The following SLC5A5 variants were observed in gnomAD, a reference collection of about 807,000 sequenced individuals.
SLC5A5 encodes the protein sodium/iodide cotransporter.
Under a neutral mutation model 68.6 loss-of-function variants are expected in SLC5A5, and 56 were observed. The ratio of observed to expected loss-of-function variants is 0.82; its 90% CI spans 0.66 to 1.02. The LOEUF (loss-of-function observed/expected upper bound fraction) is 1.02. Ranked by LOEUF, SLC5A5 falls within the 50% of genes least tolerant of loss-of-function variation. The pLI is 0.00. For synonymous variants in SLC5A5, 398 were observed against 373.0 expected (o/e 1.07, Z -0.77); for missense variants, 807 against 859.8 (o/e 0.94, Z 0.77).
At chr19:17,874,031 G>T in intron 1 of SLC5A5, 107 bp from the exon 2 acceptor site, 4 of 778,182 alleles carry the variant, frequency 5.1e-6, no homozygotes, top group Non-Finnish European at 6.8e-6. Flanking sequence ...TGGCGGGCGC[G>T]GTTGGCTTCC....
Position 17,894,845 on chromosome 19 carries a change from G to C in SLC5A5, c.*968G>C, listed in dbSNP as rs2030349632. The stretch of plus-strand genomic sequence containing the variant: ...AGAACATGAGCTTACTTGGAAATAG[G>C]GTCTTTGCAGGTGTAACTGGTTAAA... On this transcript the variant is annotated 3_prime_UTR_variant, in exon 15 of 15. Transcript: ENST00000222248. The C allele has an allele frequency of 6.6e-6, 1 of 152,164 alleles. No homozygotes were observed. 9.4% of individuals were successfully genotyped at this position (152,164 alleles called of 1,614,324 possible). A position where few individuals can be genotyped will look rare whatever the true frequency, so the allele number is the denominator to read the frequency against.
intron 13 of SLC5A5, among the ~76,000 whole-genome samples, chr19:17,889,413 A>AAGGAAG (rs2030065089): frequency 5.1e-5 from 7 of 137,608 alleles, no homozygotes; most frequent in African/African-American, 2.2e-4. Context: ...AAAGAAAGAA[A>AAGGAAG]GAAGGAAGGA....
Position 17,883,868 on chromosome 19 carries a change from G to A in SLC5A5, c.1348G>A (p.Gly450Ser), listed in dbSNP as rs373283497. Reference protein sequence around the residue: ...CNTPGVLAGLGAGLALSLWVA... With the variant: ...CNTPGVLAGLSAGLALSLWVA... ...CCCCCAGGGCGTCCTCGCGGGACTA[G>A]GCGCGGGCTTGGCGCTGTCGCTGTG... The change falls in exon 12 of 15, where the codon GGC becomes AGC. Residue 450 changes from glycine (G) to serine (S), a missense_variant. Physicochemically the swap from Gly to Ser is moderately conservative, Grantham distance 56 (BLOSUM62 0). Coordinates refer to ENST00000222248, the MANE Select transcript of SLC5A5 (RefSeq NM_000453.3). 2 of 1,588,600 alleles carry A rather than the reference G, an allele frequency of 1.3e-6. No homozygotes were observed. The highest frequency in any genetic ancestry group is 1.7e-6 in the Non-Finnish European group (2 of 1,168,760).
At chr19:17,890,764 G>A (rs2030133830) in intron 13 of SLC5A5, 122 bp from the exon 14 acceptor site, 1 of 766,480 alleles carries the variant, frequency 1.3e-6, no homozygotes, top group East Asian at 2.5e-5. Flanking sequence ...CCCTTAGTGG[G>A]ACTGGAGCCT....
In SLC5A5 at chr19:17,874,162, G is replaced by A. The variant is rs1455835176; in HGVS notation, c.382G>A (p.Ala128Thr). Reference protein sequence around the residue: ...YEYLEMRFSRAVRLCGTLQYI... With the variant: ...YEYLEMRFSRTVRLCGTLQYI... ...GTACCTGGAGATGCGCTTCAGCCGCGCAGTGCGGCTCTGCGGGACTTTGCA... is the reference window on the plus strand; with the variant it reads ...GTACCTGGAGATGCGCTTCAGCCGCACAGTGCGGCTCTGCGGGACTTTGCA... The change falls in exon 2 of 15, where the codon GCA (alanine) becomes ACA (threonine). Residue 128 changes from alanine to threonine, a missense_variant. Ala to Thr is a moderately conservative substitution (Grantham distance 58, BLOSUM62 0). Coordinates refer to ENST00000222248, the MANE Select transcript of SLC5A5 (RefSeq NM_000453.3). The A allele has an allele frequency of 6.2e-7, 1 of 1,612,382 alleles. No individual in the cohort carries two copies. Among genetic ancestry groups the A allele is most frequent in the South Asian group, 1.1e-5 (1 of 91,050 alleles).
rs750515655 is a variant in SLC5A5 at position 17,872,433 on chromosome 19, G to C, written c.114G>C (p.Arg38=). Residue 38 remains arginine (R), a synonymous_variant, in exon 1 of 15, where the codon CGG becomes CGC. Coordinates refer to ENST00000222248, the MANE Select transcript of SLC5A5 (RefSeq NM_000453.3). The part of the protein sequence containing the change: ...TGIGLWVGLA[R]GGQRSAEDFF... ...TCGGGCTGTGGGTCGGGCTGGCTCG[G>C]GGCGGGCAGCGCAGCGCTGAGGACT... 5 of 1,608,886 alleles carry C rather than the reference G, an allele frequency of 3.1e-6. No homozygotes were observed. The South Asian group carries it at 3.3e-5, about 11-fold the overall frequency.
At chr19:17,886,759 A>C (rs1292899210) in intron 12 of SLC5A5, among the ~76,000 whole-genome samples, 2 of 152,296 alleles carry the variant, frequency 1.3e-5, no homozygotes, top group Middle Eastern at 6.8e-3. Context: ...GTGATACCTC[A>C]CTGTGGTTTT....
rs1599915421 is a variant in SLC5A5 at position 17,877,717 on chromosome 19, A to T, written c.699-6A>T. 3.7e-6 allele frequency: 6 copies of T among 1,613,822 alleles called. No individual in the cohort carries two copies. The highest frequency in any genetic ancestry group is 2.2e-5 in the South Asian group (2 of 91,078). On this transcript the variant is annotated splice_region_variant and splice_polypyrimidine_tract_variant and intron_variant, in intron 5 of 14. Coordinates refer to ENST00000222248, the MANE Select transcript of SLC5A5 (RefSeq NM_000453.3). ...CACGTGGCTAACTTGCCCTGTCCCC[A>T]CCCAGCTTTAACCCTGACCCGAGGA...
rs376252860 is a variant in SLC5A5, at chr19:17,880,912, C to T, written c.1017C>T (p.Val339=). The T allele has an allele frequency of 2.1e-5, 34 of 1,613,754 alleles. No homozygotes were observed. Among genetic ancestry groups the T allele is most frequent in the African/African-American group, 2.7e-5 (2 of 74,906 alleles). ...VLDIFEDLPG[V]PGLFLACAYS... The stretch of plus-strand genomic sequence containing the variant: ...ACATCTTCGAAGATCTGCCTGGAGT[C>T]CCCGGGCTTTTCCTGGCCTGTGCTT... The change falls in exon 8 of 15, where the codon GTC becomes GTT. Residue 339 remains valine (V), a synonymous_variant. Transcript: ENST00000222248.
rs1375117901 is a variant in SLC5A5 at position 17,882,177 on chromosome 19, C to T, written c.1200C>T (p.Thr400=). 67 of 1,614,078 alleles carry T rather than the reference C, an allele frequency of 4.2e-5. No homozygotes were observed. The highest frequency in any genetic ancestry group is 5.4e-5 in the Non-Finnish European group (64 of 1,180,008). The change falls in exon 10 of 15, where the codon ACC becomes ACT. Residue 400 remains threonine, a synonymous_variant. Coordinates refer to ENST00000222248, the MANE Select transcript of SLC5A5 (RefSeq NM_000453.3). ...LSLIYGSACL[T]VAALSSLLGG... ...TCATCTACGGATCGGCCTGTCTCACCGTGGCAGCCCTGTCCTCACTGCTCG... is the reference window on the plus strand; with the variant it reads ...TCATCTACGGATCGGCCTGTCTCACTGTGGCAGCCCTGTCCTCACTGCTCG...
intron 14 of SLC5A5, among the ~76,000 whole-genome samples, chr19:17,891,283 G>A (rs1270116612): frequency 6.6e-6 from 1 of 152,018 alleles, no homozygotes; most frequent in Non-Finnish European, 1.5e-5. Context: ...TCGGCTCACT[G>A]CAACCTCCAC....
Position 17,874,492 on chromosome 19 carries a change from A to G in SLC5A5, c.424-2A>G. Reference sequence around the variant, plus strand: ...CTCACCCGCCCCACACTCTGTCTACAGATGCTGTACACCGGCATCGTAATC... The same window carrying G: ...CTCACCCGCCCCACACTCTGTCTACGGATGCTGTACACCGGCATCGTAATC... On this transcript the variant is annotated splice_acceptor_variant, in intron 2 of 14. Transcript: ENST00000222248. LOFTEE classifies it high-confidence loss of function. The G allele has an allele frequency of 6.2e-7, 1 of 1,613,846 alleles. No individual in the cohort carries two copies. Among genetic ancestry groups the G allele is most frequent in the Non-Finnish European group, 8.5e-7 (1 of 1,179,948 alleles).
At chr19:17,892,253 G>A (rs1003001458) in intron 14 of SLC5A5, among the ~76,000 whole-genome samples, 3 of 151,914 alleles carry the variant, frequency 2.0e-5, no homozygotes, top group South Asian at 2.1e-4. Flanking sequence ...AGCTGAGATC[G>A]CGCCACTGCA....
chr19:17,881,816 G>A (rs543492522), intron 8 of SLC5A5, 144 bp from the exon 9 acceptor site: 1 of 707,484 alleles, frequency 1.4e-6, no homozygotes, highest in South Asian at 1.5e-5. Context: ...TCTTCGGGGA[G>A]GGGAGGGGCA....
At chr19:17,879,346 T>A (rs144876488) in intron 7 of SLC5A5, among the ~76,000 whole-genome samples, 5 of 152,070 alleles carry the variant, frequency 3.3e-5, no homozygotes, top group African/African-American at 1.2e-4. Context: ...AAACAAAAAC[T>A]GTAATCCAGC....
intron 2 of SLC5A5, 107 bp downstream of exon 2, chr19:17,874,310 C>T: frequency 1.6e-6 from 1 of 643,032 alleles, no homozygotes; most frequent in East Asian, 4.0e-5. Flanking sequence ...CCCCCATGCT[C>T]CCGTTCTGAC....
At chr19:17,889,968 G>A (rs1715399012) in intron 13 of SLC5A5, among the ~76,000 whole-genome samples, 1 of 152,186 alleles carries the variant, frequency 6.6e-6, no homozygotes, top group Non-Finnish European at 1.5e-5. Context: ...GGCCTTTATC[G>A]AGTCCTCCTC....
At chr19:17,873,011 C>T (rs1156236275) in intron 1 of SLC5A5, among the ~76,000 whole-genome samples, 1 of 152,176 alleles carries the variant, frequency 6.6e-6, no homozygotes, top group Non-Finnish European at 1.5e-5. Flanking sequence ...CACGTGTGCG[C>T]GCTAGAGGGG....
intron 1 of SLC5A5, among the ~76,000 whole-genome samples, chr19:17,873,898 G>T (rs1434824696): frequency 6.6e-6 from 1 of 152,250 alleles, no homozygotes; most frequent in African/African-American, 2.4e-5. Context: ...CCCGTCAGGC[G>T]CAAGTGGGAG....
Sources: allele counts gnomAD v4.1 joint callset (sites outside exome capture counted in the v4.1 genomes callset), GRCh38; gene constraint gnomAD v4.1.1; transcripts MANE v1.5; gene names NCBI Gene and HGNC (gene_info 2026-07-23, HGNC 2026-07-21).